Variants in JAZF1 observed in about 807,000 individuals in gnomAD.
JAZF1 encodes the protein juxtaposed with another zinc finger protein 1.
A neutral mutation model predicts 26.4 loss-of-function variants in JAZF1; 8 were observed. The observed-to-expected ratio is 0.30, with a 90% CI of 0.18 to 0.55. JAZF1 has a LOEUF of 0.55. Among genes scored for constraint, JAZF1 ranks in the 20% least tolerant of loss-of-function variants. JAZF1 has a pLI of 0.94. For missense variants in JAZF1, 199 were observed against 322.0 expected, an observed-to-expected ratio of 0.62 and a Z score of 2.92; for synonymous variants, 126 against 122.3, an observed-to-expected ratio of 1.03 and a Z score of -0.20.
Position 27,863,485 on chromosome 7 carries a change from C to T in JAZF1, c.386-22618G>A, listed in dbSNP as rs75098337. Among the ~76,000 whole-genome samples, 311 of 152,308 alleles carry T rather than the reference C, an allele frequency of 2.0e-3. 1 individual carries two copies. The highest frequency in any genetic ancestry group is 0.018 in the East Asian group (94 of 5,178). ...AGGCCTGCCCTGATCACCTCCCTGC[C>T]GAGGGAGCCCGTCCTTGCCCAGGCA... is the stretch of plus-strand genomic sequence containing the variant. On this transcript the variant is annotated intron_variant, in intron 3 of 4. Transcript: ENST00000283928.
At chr7:27,926,459 T>A (rs1784602056) in intron 2 of JAZF1, among the ~76,000 whole-genome samples, 1 of 152,214 alleles carries the variant, frequency 6.6e-6, no homozygotes, top group Non-Finnish European at 1.5e-5. Context: ...AGCAAACCAC[T>A]GGGTTCTTGG....
At chr7:27,880,148 A>G (rs528180190) in intron 3 of JAZF1, among the ~76,000 whole-genome samples, 1 of 152,338 alleles carries the variant, frequency 6.6e-6, no homozygotes, top group Non-Finnish European at 1.5e-5. Context: ...TCAGTGTGCC[A>G]CATTTATAGC....
intron 1 of JAZF1, among the ~76,000 whole-genome samples, chr7:28,143,142 C>T (rs1782982005): frequency 6.6e-6 from 1 of 152,118 alleles, no homozygotes. Context: ...CTCTCATCTC[C>T]TTCTCTATAC....
intron 2 of JAZF1, among the ~76,000 whole-genome samples, chr7:27,897,965 A>G (rs1414915387): frequency 6.6e-6 from 1 of 152,214 alleles, no homozygotes; most frequent in Non-Finnish European, 1.5e-5. Flanking sequence ...ACTTCAGAGG[A>G]CTGTTGTGAG....
chr7:27,881,843 G>T (rs1022699395), intron 3 of JAZF1, among the ~76,000 whole-genome samples: 1 of 152,130 alleles, frequency 6.6e-6, no homozygotes, highest in Non-Finnish European at 1.5e-5. Flanking sequence ...ATTCTGATGA[G>T]ACTTTTAACT....
At chr7:28,021,470 T>C (rs1783006091) in intron 1 of JAZF1, among the ~76,000 whole-genome samples, 2 of 152,096 alleles carry the variant, frequency 1.3e-5, no homozygotes, top group South Asian at 4.1e-4. Context: ...AAATAACGTG[T>C]AGAACTGATA....
chr7:28,073,969 T>C (rs1217201106), intron 1 of JAZF1, among the ~76,000 whole-genome samples: 8 of 137,308 alleles, frequency 5.8e-5, no homozygotes, highest in African/African-American at 2.0e-4. Flanking sequence ...GAAAAAAAAG[T>C]TTACTTAGTT....
intron 1 of JAZF1, among the ~76,000 whole-genome samples, chr7:28,022,763 G>GTTGT (rs765109215): frequency 2.6e-5 from 4 of 151,856 alleles, no homozygotes; most frequent in Non-Finnish European, 5.9e-5. Context: ...TGTTTTTGTT[G>GTTGT]TTGTTTGTTT....
At chr7:28,163,183 C>T (rs909682804) in intron 1 of JAZF1, among the ~76,000 whole-genome samples, 2 of 152,200 alleles carry the variant, frequency 1.3e-5, no homozygotes, top group Admixed American at 1.3e-4. Context: ...GGCAAATATC[C>T]TATTCCTCAG....
chr7:28,086,781 A>G (rs79814040), intron 1 of JAZF1, among the ~76,000 whole-genome samples: 2,189 of 152,326 alleles, frequency 0.014, 58 homozygotes, highest in African/African-American at 0.049. Flanking sequence ...CAAACTACCA[A>G]CACTACATAA....
intron 1 of JAZF1, among the ~76,000 whole-genome samples, chr7:28,093,288 T>C (rs563941638): frequency 2.0e-5 from 3 of 152,158 alleles, no homozygotes; most frequent in Non-Finnish European, 4.4e-5. Flanking sequence ...CAGTAAGTCT[T>C]GCGAGATCTG....
At chr7:28,164,140 G>A (rs2127952591) in intron 1 of JAZF1, among the ~76,000 whole-genome samples, 1 of 152,322 alleles carries the variant, frequency 6.6e-6, no homozygotes, top group South Asian at 2.1e-4. Flanking sequence ...CCAGATGTGA[G>A]CCCAACCCAC....
At chr7:27,953,476 T>TCTTC (rs1478996923) in intron 2 of JAZF1, among the ~76,000 whole-genome samples, 3 of 152,196 alleles carry the variant, frequency 2.0e-5, no homozygotes. Context: ...CACACTTAGC[T>TCTTC]GAAGTGCCTG....
intron 3 of JAZF1, among the ~76,000 whole-genome samples, chr7:27,882,783 G>A (rs1783794831): frequency 6.6e-6 from 1 of 152,198 alleles, no homozygotes; most frequent in Non-Finnish European, 1.5e-5. Flanking sequence ...TCATGAAGAT[G>A]AAAGGGCTTC....
intron 1 of JAZF1, among the ~76,000 whole-genome samples, chr7:28,063,958 T>A (rs917869589): frequency 1.3e-5 from 2 of 152,148 alleles, no homozygotes; most frequent in Non-Finnish European, 2.9e-5. Flanking sequence ...TTAAATGTAA[T>A]GAGTTGCATA....
intron 3 of JAZF1, among the ~76,000 whole-genome samples, chr7:27,865,974 C>G (rs114453445): frequency 1.3e-5 from 2 of 152,156 alleles, no homozygotes; most frequent in Non-Finnish European, 2.9e-5. Context: ...TGGGGCTGTT[C>G]TGCTGGACTA....
chr7:28,138,684 G>T (rs1362516839), intron 1 of JAZF1, among the ~76,000 whole-genome samples: 1 of 152,114 alleles, frequency 6.6e-6, no homozygotes, highest in East Asian at 1.9e-4. Context: ...TTCTCCAAAG[G>T]GTTTTGGATT....
intron 1 of JAZF1, among the ~76,000 whole-genome samples, chr7:28,027,286 T>C (rs1783110023): frequency 6.6e-6 from 1 of 152,200 alleles, no homozygotes; most frequent in African/African-American, 2.4e-5. Flanking sequence ...GAAAAAGTGG[T>C]TCCTACTGCT....
chr7:28,078,080 C>T (rs1473508400), intron 1 of JAZF1, among the ~76,000 whole-genome samples: 1 of 152,124 alleles, frequency 6.6e-6, no homozygotes, highest in Non-Finnish European at 1.5e-5. Flanking sequence ...AAAGTTTTCA[C>T]AAGATGCTGT....
Sources: allele counts gnomAD v4.1 joint callset (sites outside exome capture counted in the v4.1 genomes callset), GRCh38; gene constraint gnomAD v4.1.1; transcripts MANE v1.5; gene names NCBI Gene and HGNC (gene_info 2026-07-23, HGNC 2026-07-21).